ARB2A: variants seen among roughly 807,000 people sequenced by gnomAD.
ARB2A encodes cotranscriptional regulator ARB2A.
the ARB2A span, among the ~76,000 whole-genome samples, chr5:93,697,700 A>G: frequency 6.6e-6 from 1 of 152,034 alleles, no homozygotes; most frequent in Non-Finnish European, 1.5e-5. Context: ...AGCACATCAC[A>G]TTTTCCCTGC....
At chr5:94,077,421 T>C in the ARB2A span, among the ~76,000 whole-genome samples, 1 of 151,996 alleles carries the variant, frequency 6.6e-6, no homozygotes, top group Non-Finnish European at 1.5e-5. Flanking sequence ...AACTTTACAG[T>C]AGCAGTTGCA....
At chr5:93,758,263 C>T in the ARB2A span, among the ~76,000 whole-genome samples, 1 of 151,938 alleles carries the variant, frequency 6.6e-6, no homozygotes, top group East Asian at 1.9e-4. Context: ...ACTAATAGAC[C>T]TAAGAAATGA....
chr5:93,710,349 G>A, the ARB2A span, among the ~76,000 whole-genome samples: 6 of 152,154 alleles, frequency 3.9e-5, no homozygotes, highest in Admixed American at 6.6e-5. Context: ...TGACAACACT[G>A]GGCTTGCATT....
the ARB2A span, chr5:93,805,236 T>C: frequency 3.0e-6 from 3 of 984,994 alleles, no homozygotes; most frequent in Non-Finnish European, 3.6e-6. Flanking sequence ...CTTTCTTCTA[T>C]GATTTAAAAA....
At chr5:94,001,994 A>G in the ARB2A span, among the ~76,000 whole-genome samples, 1 of 151,862 alleles carries the variant, frequency 6.6e-6, no homozygotes, top group Non-Finnish European at 1.5e-5. Context: ...TACTGTACTT[A>G]TACCTCTAAA....
At chr5:93,918,690 G>C in the ARB2A span, among the ~76,000 whole-genome samples, 32 of 152,160 alleles carry the variant, frequency 2.1e-4, no homozygotes, top group Non-Finnish European at 4.3e-4. Flanking sequence ...CCAAAATGCT[G>C]GGATTACAGG....
chr5:93,991,866 A>G, the ARB2A span, among the ~76,000 whole-genome samples: 1 of 152,134 alleles, frequency 6.6e-6, no homozygotes, highest in Non-Finnish European at 1.5e-5. Flanking sequence ...ATATAAGGGT[A>G]GATCATTTTC....
At chr5:93,917,870 C>A in the ARB2A span, among the ~76,000 whole-genome samples, 3 of 152,076 alleles carry the variant, frequency 2.0e-5, no homozygotes, top group African/African-American at 7.2e-5. Context: ...AGAGTCAAAC[C>A]CTGTCTCAGA....
chr5:93,869,960 G>T, the ARB2A span, among the ~76,000 whole-genome samples: 2 of 152,206 alleles, frequency 1.3e-5, no homozygotes, highest in African/African-American at 4.8e-5. Context: ...CTCACACAAA[G>T]CCTGTTTGGT....
the ARB2A span, among the ~76,000 whole-genome samples, chr5:93,768,358 A>C: frequency 2.0e-5 from 3 of 151,840 alleles, no homozygotes; most frequent in South Asian, 2.1e-4. Context: ...AAAAAAAAAC[A>C]GAATTGGTCT....
At chr5:93,621,208 C>T in the ARB2A span, 1 of 1,374,294 alleles carries the variant, frequency 7.3e-7, no homozygotes, top group Non-Finnish European at 9.5e-7. Context: ...CCAGGCCGAG[C>T]CCCGGCTCCC....
the ARB2A span, among the ~76,000 whole-genome samples, chr5:93,855,310 G>A: frequency 2.0e-5 from 3 of 151,998 alleles, no homozygotes; most frequent in Non-Finnish European, 4.4e-5. Context: ...CCATTGGCTT[G>A]GTAGATCTTC....
chr5:93,621,211 C>G, the ARB2A span: 56 of 1,345,548 alleles, frequency 4.2e-5, no homozygotes, highest in Non-Finnish European at 1.8e-5. Flanking sequence ...GGCCGAGCCC[C>G]GGCTCCCGAC....
At chr5:93,852,207 A>C in the ARB2A span, among the ~76,000 whole-genome samples, 2 of 152,098 alleles carry the variant, frequency 1.3e-5, no homozygotes, top group East Asian at 3.9e-4. Flanking sequence ...ATGGCCAGTG[A>C]TGGTGAGCAT....
the ARB2A span, among the ~76,000 whole-genome samples, chr5:93,679,150 T>G: frequency 4.6e-5 from 7 of 152,336 alleles, no homozygotes; most frequent in East Asian, 1.2e-3. Context: ...CTACTGTACT[T>G]TAAGCCTATA....
chr5:93,840,989 T>C, the ARB2A span, among the ~76,000 whole-genome samples: 1 of 152,184 alleles, frequency 6.6e-6, no homozygotes, highest in Non-Finnish European at 1.5e-5. Context: ...ATAGGAGGCA[T>C]ATAGAACTGG....
the ARB2A span, chr5:93,824,298 T>C: frequency 1.4e-6 from 2 of 1,467,536 alleles, no homozygotes; most frequent in African/African-American, 1.4e-5. Context: ...ATATATTACA[T>C]ATTATACCTA....
chr5:93,733,212 T>TG, the ARB2A span: 1 of 151,530 alleles, frequency 6.6e-6, no homozygotes, highest in African/African-American at 2.4e-5. Context: ...TCCTTTTTTT[T>TG]TTTTTTTGAG....
chr5:93,930,675 G>A, the ARB2A span, among the ~76,000 whole-genome samples: 2 of 152,042 alleles, frequency 1.3e-5, no homozygotes, highest in Non-Finnish European at 2.9e-5. Flanking sequence ...AAGCACAAAA[G>A]TATAAGAAAA....
Sources: gnomAD v4.1 joint callset for allele counts (sites outside exome capture counted in the v4.1 genomes callset) on GRCh38, gnomAD v4.1.1 for gene constraint, MANE v1.5 for transcripts, NCBI Gene and HGNC (gene_info 2026-07-23, HGNC 2026-07-21) for gene names.